The following PLGRKT variants were observed in gnomAD, a reference collection of about 807,000 sequenced individuals.
The protein encoded by PLGRKT is plasminogen receptor with a C-terminal lysine.
In PLGRKT, 22 loss-of-function variants were observed where a neutral mutation model predicts 18.5. The ratio of observed to expected loss-of-function variants is 1.19; its 90% confidence interval spans 0.85 to 1.70. The LOEUF is 1.70. Among genes scored for constraint, PLGRKT ranks in the 40% most tolerant of loss-of-function variants. The pLI, the probability that PLGRKT is intolerant of heterozygous loss-of-function variation, is 0.00. For missense variants in PLGRKT, 235 were observed against 174.4 expected, an observed-to-expected ratio of 1.35 and a Z score of -1.96; for synonymous variants, 72 against 52.8, an observed-to-expected ratio of 1.36 and a Z score of -1.58.
chr9:5,408,650 G>A (rs1223237406), intron 3 of PLGRKT, among the ~76,000 whole-genome samples: 2 of 152,238 alleles, frequency 1.3e-5, no homozygotes, highest in African/African-American at 4.8e-5. Context: ...CAAGCAGGCT[G>A]CATCAATTTG....
chr9:5,377,747 C>T (rs62557750), intron 3 of PLGRKT, among the ~76,000 whole-genome samples: 7,768 of 152,222 alleles, frequency 0.051, 302 homozygotes, highest in African/African-American at 0.1. Flanking sequence ...AATGGTGCCC[C>T]TCCATTCCAA....
intron 3 of PLGRKT, among the ~76,000 whole-genome samples, chr9:5,375,219 C>A (rs10975081): frequency 6.6e-6 from 1 of 152,254 alleles, no homozygotes; most frequent in East Asian, 1.9e-4. Flanking sequence ...CACTGACTTC[C>A]TTTGCTGAAA....
In PLGRKT at chr9:5,418,375, C is replaced by T; in HGVS notation, c.81+13522G>A. 1 of 757,484 alleles carries T rather than the reference C, an allele frequency of 1.3e-6. No individual in the cohort carries two copies. Among genetic ancestry groups the T allele is most frequent in the Non-Finnish European group, 2.3e-6 (1 of 429,238 alleles). The allele number at this position is 757,484 out of a possible 1,614,324, so 46.9% of individuals were successfully genotyped here. A position where few individuals can be genotyped will look rare whatever the true frequency, so the allele number is the denominator to read the frequency against. On this transcript the variant is annotated intron_variant, in intron 3 of 5. Transcript: ENST00000223864. This position sits in a 1 kb window ranked among gnomAD's most constrained non-coding sequence, Gnocchi z 4.2. The stretch of plus-strand genomic sequence containing the variant: ...ACTTCCCTGCAGCCCTCTCCAGCCA[C>T]AAGATGTCACAGTCAAGCGCTTAGA...
chr9:5,437,269 C>T (rs779576531), intron 1 of PLGRKT, among the ~76,000 whole-genome samples: 7 of 152,322 alleles, frequency 4.6e-5, no homozygotes, highest in Middle Eastern at 6.8e-3. Context: ...AAATTAATTG[C>T]ATGAATTCTG....
At chr9:5,378,993 G>C (rs1817685120) in intron 3 of PLGRKT, among the ~76,000 whole-genome samples, 1 of 151,744 alleles carries the variant, frequency 6.6e-6, no homozygotes, top group South Asian at 2.1e-4. Flanking sequence ...AAATCACATA[G>C]GCCATATTTT....
In PLGRKT at chr9:5,358,258, C is replaced by G. The variant is rs1817181310; in HGVS notation, c.425G>C (p.Arg142Thr). 6.2e-7 allele frequency: 1 copy of G among 1,609,364 alleles called. No homozygotes were observed. Among genetic ancestry groups the G allele is most frequent in the Non-Finnish European group, 8.5e-7 (1 of 1,176,092 alleles). The change falls in exon 6 of 6, where the codon AGA becomes ACA. Residue 142 changes from arginine (R) to threonine (T), a missense_variant. Coordinates refer to ENST00000223864, the MANE Select transcript of PLGRKT (RefSeq NM_018465.4). ...ATGATTTCATTTGTCTATGAAGAAT[C>G]TACTCTGTTCCTTTCTGGCTTTTTC... is the stretch of plus-strand genomic sequence containing the variant. ...SIEKARKEQSRFFIDK is the reference protein window; with the variant it reads ...SIEKARKEQSTFFIDK
Position 5,360,428 on chromosome 9 carries a change from T to C in PLGRKT, c.322+650A>G, listed in dbSNP as rs140404522. On this transcript the variant is annotated intron_variant, in intron 5 of 5. Coordinates refer to ENST00000223864, the MANE Select transcript of PLGRKT (RefSeq NM_018465.4). Reference sequence around the variant, plus strand: ...TGGGAAGGCAGCCACAGACAATACATAAATGAATGAGCATGGATGTGTCCC... The same window carrying C: ...TGGGAAGGCAGCCACAGACAATACACAAATGAATGAGCATGGATGTGTCCC... 2.8e-4 allele frequency among the ~76,000 whole-genome samples: 42 copies of C among 152,332 alleles called. No individual in the cohort carries two copies. The East Asian group carries it at 7.1e-3, about 26-fold the overall frequency.
chr9:5,358,043 A>G lies in PLGRKT; in HGVS notation c.*196T>C. 2.3e-6 allele frequency: 1 copy of G among 440,540 alleles called. No homozygotes were observed. The highest frequency in any genetic ancestry group is 4.5e-5 in the South Asian group (1 of 22,164). 27.3% of individuals were successfully genotyped at this position (440,540 alleles called of 1,614,324 possible). ...AATGCACACAGAGAGAGGAAATCTA[A>G]AAGTTATTTAGAGCACCTCCATGAT... is the stretch of plus-strand genomic sequence containing the variant. On this transcript the variant is annotated 3_prime_UTR_variant, in exon 6 of 6. Coordinates refer to ENST00000223864, the MANE Select transcript of PLGRKT (RefSeq NM_018465.4).
chr9:5,428,641 A>G (rs1009313948), intron 3 of PLGRKT, among the ~76,000 whole-genome samples: 2 of 152,166 alleles, frequency 1.3e-5, no homozygotes, highest in African/African-American at 4.8e-5. Context: ...TCTTGAAACT[A>G]TTACGACCAC....
chr9:5,376,784 A>T (rs184176829), intron 3 of PLGRKT, among the ~76,000 whole-genome samples: 1 of 152,328 alleles, frequency 6.6e-6, no homozygotes, highest in East Asian at 1.9e-4. Context: ...ACACACATAC[A>T]TACATATAAT....
chr9:5,379,265 T>A (rs935477507), intron 3 of PLGRKT, among the ~76,000 whole-genome samples: 5 of 152,188 alleles, frequency 3.3e-5, no homozygotes, highest in Non-Finnish European at 7.4e-5. Context: ...ATTACTTTAG[T>A]GAACTTTACA....
chr9:5,395,414 G>T (rs1353966534), intron 3 of PLGRKT, among the ~76,000 whole-genome samples: 3 of 150,594 alleles, frequency 2.0e-5, no homozygotes, highest in Non-Finnish European at 4.4e-5. Context: ...CTTCAATTCT[G>T]GACTTCAATT....
chr9:5,378,430 G>A (rs1047430497), intron 3 of PLGRKT, among the ~76,000 whole-genome samples: 2 of 152,146 alleles, frequency 1.3e-5, no homozygotes, highest in African/African-American at 4.8e-5. Context: ...CACACAATAT[G>A]AATGAATCTC....
At chr9:5,395,105 C>CAAAAAA (rs34566239) in intron 3 of PLGRKT, among the ~76,000 whole-genome samples, 3 of 123,500 alleles carry the variant, frequency 2.4e-5, no homozygotes, top group Non-Finnish European at 5.2e-5. Context: ...AAAGGCTTTG[C>CAAAAAA]AAAAAAAAAA....
chr9:5,436,151 C>A (rs896080234), intron 2 of PLGRKT, among the ~76,000 whole-genome samples: 2 of 152,226 alleles, frequency 1.3e-5, no homozygotes, highest in Non-Finnish European at 2.9e-5. Flanking sequence ...GCAGTTCTTT[C>A]CTTTCTCCAA....
intron 3 of PLGRKT, among the ~76,000 whole-genome samples, chr9:5,394,119 T>A (rs954464345): frequency 6.6e-6 from 1 of 151,910 alleles, no homozygotes; most frequent in Non-Finnish European, 1.5e-5. Flanking sequence ...ACATGTTCAC[T>A]ACAAGTAACC....
intron 3 of PLGRKT, among the ~76,000 whole-genome samples, chr9:5,373,623 G>A (rs1262041128): frequency 6.6e-6 from 1 of 152,044 alleles, no homozygotes; most frequent in Non-Finnish European, 1.5e-5. Flanking sequence ...AACATAGTGT[G>A]ACTCTGTCTC....
At chr9:5,412,866 G>C (rs1818391121) in intron 3 of PLGRKT, among the ~76,000 whole-genome samples, 1 of 151,952 alleles carries the variant, frequency 6.6e-6, no homozygotes, top group Non-Finnish European at 1.5e-5. Context: ...TATATCCATA[G>C]ACAAGAGGCC....
chr9:5,401,894 G>A (rs916039005), intron 3 of PLGRKT, among the ~76,000 whole-genome samples: 2 of 151,904 alleles, frequency 1.3e-5, no homozygotes, highest in Non-Finnish European at 2.9e-5. Flanking sequence ...TAAAATCCAT[G>A]TAACGCACTG....
Sources: gnomAD v4.1 joint callset for allele counts (sites outside exome capture counted in the v4.1 genomes callset) on GRCh38, gnomAD v4.1.1 for gene constraint, Gnocchi (gnomAD v3.1) non-coding constraint, MANE v1.5 for transcripts, NCBI Gene and HGNC (gene_info 2026-07-23, HGNC 2026-07-21) for gene names.